The following MAST4 variants were observed in gnomAD, a reference collection of about 807,000 sequenced individuals.
MAST4 encodes microtubule associated serine/threonine kinase family member 4.
A neutral mutation model predicts 162.7 loss-of-function variants in MAST4; 89 were observed. The ratio of observed to expected loss-of-function variants is 0.55; its 90% CI spans 0.46 to 0.65. MAST4 has a LOEUF of 0.65. Ranked by LOEUF, MAST4 falls within the 30% of genes least tolerant of loss-of-function variation. The probability of loss-of-function intolerance (pLI) is 0.00; values close to 1 mark genes in which losing one functional copy is unlikely to be tolerated. For synonymous variants in MAST4, 1,479 were observed against 1,361.1 expected (o/e 1.09, Z -1.91); for missense variants, 3,153 against 3,374.0 (o/e 0.93, Z 1.62).
intron 3 of MAST4, among the ~76,000 whole-genome samples, chr5:66,839,985 G>A (rs761299159): frequency 4.6e-5 from 7 of 151,584 alleles, no homozygotes; most frequent in African/African-American, 1.5e-4. Context: ...TTAAACTGAC[G>A]CGTTCTTGGG....
intron 4 of MAST4, among the ~76,000 whole-genome samples, chr5:66,985,313 C>A (rs1341457023): frequency 6.6e-6 from 1 of 151,958 alleles, no homozygotes; most frequent in Non-Finnish European, 1.5e-5. Flanking sequence ...AATTAAAGGA[C>A]CATTTTGGGG....
intron 1 of MAST4, among the ~76,000 whole-genome samples, chr5:66,627,723 T>TA (rs11292285): frequency 1.4e-3 from 201 of 148,136 alleles, no homozygotes; most frequent in African/African-American, 2.4e-3. Flanking sequence ...GTTTATCTGT[T>TA]AAAAAAAAAA....
At chr5:66,627,747 A>G (rs1417630441) in intron 1 of MAST4, among the ~76,000 whole-genome samples, 1 of 151,470 alleles carries the variant, frequency 6.6e-6, no homozygotes. Flanking sequence ...TGAAATAGGG[A>G]GCTGTAAAGC....
Position 67,102,550 on chromosome 5 carries a change from C to T in MAST4, c.1085C>T (p.Pro362Leu). The change falls in exon 9 of 29, where the codon CCC (proline) becomes CTC (leucine). Residue 362 changes from proline to leucine, a missense_variant. Pro to Leu is a moderately conservative substitution (Grantham distance 98, BLOSUM62 -3). This residue lies in a region of MAST4 where 360 missense variants were observed against 450.0 expected (regional missense o/e 0.80). Transcript: ENST00000403625. Reference sequence around the variant, plus strand: ...TTTGCTTGCAGCCCTGGACGTTCTCCCGCCTGCTGTGACCATGAAATAATT... The same window carrying T: ...TTTGCTTGCAGCCCTGGACGTTCTCTCGCCTGCTGTGACCATGAAATAATT... ...RSRSLSPGRS[P>L]ACCDHEIIMM... 6.2e-7 allele frequency: 1 copy of T among 1,613,922 alleles called. No individual in the cohort carries two copies. The highest frequency in any genetic ancestry group is 8.5e-7 in the Non-Finnish European group (1 of 1,179,842).
chr5:66,873,913 A>G (rs1022019522), intron 3 of MAST4, among the ~76,000 whole-genome samples: 2 of 152,208 alleles, frequency 1.3e-5, no homozygotes, highest in African/African-American at 4.8e-5. Flanking sequence ...TTTTTAAAAG[A>G]GAAATTACTT....
chr5:66,736,948 T>G (rs1462883312), intron 1 of MAST4, among the ~76,000 whole-genome samples: 2 of 152,226 alleles, frequency 1.3e-5, no homozygotes, highest in Non-Finnish European at 2.9e-5. Flanking sequence ...CCGAGTCATA[T>G]GGGTTGGTAT....
At chr5:67,103,725 A>G (rs1451699957) in intron 9 of MAST4, among the ~76,000 whole-genome samples, 4 of 152,240 alleles carry the variant, frequency 2.6e-5, no homozygotes, top group African/African-American at 9.6e-5. Flanking sequence ...CTCCTGGCAC[A>G]TTAAAACCTA....
intron 4 of MAST4, among the ~76,000 whole-genome samples, chr5:67,042,521 CTTTT>C (rs957324073): frequency 7.2e-6 from 1 of 138,528 alleles, no homozygotes; most frequent in Non-Finnish European, 1.6e-5. Context: ...CCTTTGACCT[CTTTT>C]TTTTTTTTTC....
intron 1 of MAST4, among the ~76,000 whole-genome samples, chr5:66,621,015 T>G (rs1744041848): frequency 6.6e-6 from 1 of 152,168 alleles, no homozygotes; most frequent in Non-Finnish European, 1.5e-5. Flanking sequence ...AGATTGTTTT[T>G]TTTTTCCCTG....
chr5:67,081,617 T>C (rs1399169401), intron 5 of MAST4, among the ~76,000 whole-genome samples: 2 of 152,168 alleles, frequency 1.3e-5, no homozygotes, highest in African/African-American at 2.4e-5. Context: ...CACATTAGAA[T>C]TATCTCATTT....
intron 5 of MAST4, among the ~76,000 whole-genome samples, chr5:67,067,475 A>G (rs1760388843): frequency 6.6e-6 from 1 of 152,232 alleles, no homozygotes. Context: ...ACCAATCTGA[A>G]TTTATAGCTA....
chr5:66,937,941 G>T (rs1223724468), intron 4 of MAST4, among the ~76,000 whole-genome samples: 1 of 151,398 alleles, frequency 6.6e-6, no homozygotes, highest in Non-Finnish European at 1.5e-5. Flanking sequence ...TATGTTAATA[G>T]TTTCTTCTTT....
chr5:66,834,730 C>T (rs1221183138), intron 3 of MAST4, among the ~76,000 whole-genome samples: 1 of 152,214 alleles, frequency 6.6e-6, no homozygotes, highest in East Asian at 1.9e-4. Context: ...CCATTGCCCA[C>T]TGTTGTGTGA....
At chr5:66,828,845 T>C in intron 3 of MAST4, 1 of 1,606,956 alleles carries the variant, frequency 6.2e-7, no homozygotes, top group Non-Finnish European at 8.5e-7. Context: ...GAGGGTGAGA[T>C]GGATGAGTCC....
intron 4 of MAST4, chr5:66,986,525 A>C (rs1749515615): frequency 6.6e-7 from 1 of 1,516,512 alleles, no homozygotes; most frequent in Non-Finnish European, 8.9e-7. Flanking sequence ...CAAAGCTCAT[A>C]TTGTTTCCTT....
chr5:66,605,841 C>T (rs544330288), intron 1 of MAST4, among the ~76,000 whole-genome samples: 4 of 152,260 alleles, frequency 2.6e-5, no homozygotes, highest in East Asian at 1.9e-4. Flanking sequence ...ACCTCAATAT[C>T]GTTTTTGTTT....
chr5:66,869,490 G>A (rs1760769853), intron 3 of MAST4, among the ~76,000 whole-genome samples: 1 of 152,166 alleles, frequency 6.6e-6, no homozygotes, highest in South Asian at 2.1e-4. Context: ...AGAGAAGGTA[G>A]AGAAAGAATG....
At chr5:66,783,083 C>T (rs1179287308) in intron 2 of MAST4, among the ~76,000 whole-genome samples, 1 of 152,150 alleles carries the variant, frequency 6.6e-6, no homozygotes, top group Non-Finnish European at 1.5e-5. Context: ...AACAGACCCT[C>T]CAATTTATAA....
intron 4 of MAST4, among the ~76,000 whole-genome samples, chr5:66,933,981 C>T (rs1284514272): frequency 2.0e-5 from 3 of 152,004 alleles, no homozygotes; most frequent in African/African-American, 4.8e-5. Context: ...CATGAGCCAC[C>T]ACACCTGGCT....
Sources: allele counts gnomAD v4.1 joint callset (sites outside exome capture counted in the v4.1 genomes callset), GRCh38; gene constraint gnomAD v4.1.1; regional missense constraint gnomAD v4.1.1; transcripts MANE v1.5; gene names NCBI Gene and HGNC (gene_info 2026-07-23, HGNC 2026-07-21).